WWOX: variants seen among roughly 807,000 people sequenced by gnomAD.
The protein encoded by WWOX is WW domain-containing oxidoreductase.
Under a neutral mutation model 46.2 loss-of-function variants are expected in WWOX, and 69 were observed. The observed-to-expected ratio is 1.49, with a 90% CI of 1.23 to 1.82. The LOEUF (loss-of-function observed/expected upper bound fraction) is 1.82, where lower values mean the gene tolerates loss of function less well. WWOX is among the 40% of genes most tolerant of loss of function. The pLI is 0.00. For missense variants in WWOX, 919 were observed against 542.6 expected, an observed-to-expected ratio of 1.69 and a Z score of -6.89; for synonymous variants, 359 against 202.6, an observed-to-expected ratio of 1.77 and a Z score of -6.56.
intron 8 of WWOX, among the ~76,000 whole-genome samples, chr16:78,454,437 T>C (rs911759072): frequency 6.6e-6 from 1 of 151,230 alleles, no homozygotes; most frequent in African/African-American, 2.5e-5. Context: ...AATGATACTT[T>C]TATCTGAGCA....
intron 8 of WWOX, among the ~76,000 whole-genome samples, chr16:78,783,780 T>A (rs933083362): frequency 6.6e-6 from 1 of 151,568 alleles, no homozygotes; most frequent in East Asian, 1.9e-4. Flanking sequence ...ATGCTGATGG[T>A]GGTGATGGTG....
chr16:78,725,034 A>T (rs555526699), intron 8 of WWOX, among the ~76,000 whole-genome samples: 1 of 152,256 alleles, frequency 6.6e-6, no homozygotes, highest in African/African-American at 2.4e-5. Flanking sequence ...TGTAGCTCCC[A>T]TAATTCCCAT....
intron 8 of WWOX, among the ~76,000 whole-genome samples, chr16:78,810,141 T>C (rs2051148398): frequency 6.6e-6 from 1 of 152,202 alleles, no homozygotes; most frequent in Admixed American, 6.5e-5. Flanking sequence ...TACAGTTCTG[T>C]TAAATGGTCC....
At chr16:78,885,857 G>A (rs1402399517) in intron 8 of WWOX, among the ~76,000 whole-genome samples, 1 of 151,802 alleles carries the variant, frequency 6.6e-6, no homozygotes, top group Non-Finnish European at 1.5e-5. Context: ...TAAATATGCA[G>A]TGTGTAGAAT....
intron 8 of WWOX, among the ~76,000 whole-genome samples, chr16:78,968,524 G>C (rs974703744): frequency 1.3e-5 from 2 of 152,138 alleles, no homozygotes; most frequent in East Asian, 3.9e-4. Context: ...CACAAGCAAC[G>C]GGACATTATG....
intron 8 of WWOX, among the ~76,000 whole-genome samples, chr16:78,854,126 AAC>A (rs1172821994): frequency 6.6e-6 from 1 of 152,224 alleles, no homozygotes; most frequent in Non-Finnish European, 1.5e-5. Flanking sequence ...GACTTTGCCG[AAC>A]AGTTATTTCA....
At chr16:78,839,337 C>G (rs926825578) in intron 8 of WWOX, among the ~76,000 whole-genome samples, 10 of 152,118 alleles carry the variant, frequency 6.6e-5, no homozygotes, top group African/African-American at 2.2e-4. Context: ...TAACTATCCC[C>G]TGGCTTGGTA....
At chr16:79,121,988 C>G (rs953820682) in intron 8 of WWOX, among the ~76,000 whole-genome samples, 1 of 152,124 alleles carries the variant, frequency 6.6e-6, no homozygotes, top group African/African-American at 2.4e-5. Context: ...GCGTCAGGCT[C>G]CTCTAGGTAC....
Position 78,445,301 on chromosome 16 carries a change from G to T in WWOX, c.1056+12549G>T, listed in dbSNP as rs190650266. On this transcript the variant is annotated intron_variant, in intron 8 of 8. Coordinates refer to ENST00000566780, the MANE Select transcript of WWOX (RefSeq NM_016373.4). The stretch of plus-strand genomic sequence containing the variant: ...GGGGAATATGTTCTAGAAGAAGGGC[G>T]CTCACCTCAGTAAATTGATGGGTGG... 3.3e-5 allele frequency among the ~76,000 whole-genome samples: 5 copies of T among 152,224 alleles called. No homozygotes were observed. In the East Asian group the frequency reaches 5.8e-4, roughly 18 times the overall value.
At chr16:78,430,800 G>A (rs1406760759) in intron 7 of WWOX, among the ~76,000 whole-genome samples, 1 of 152,106 alleles carries the variant, frequency 6.6e-6, no homozygotes, top group Non-Finnish European at 1.5e-5. Context: ...CTAGAAATTG[G>A]ATGTCACCGA....
At position 78,634,835 on chromosome 16, in the gene WWOX, AGAGT is replaced by A. The variant is rs1248464002; in HGVS notation, c.1056+202085_1056+202088del. 9.1e-4 allele frequency among the ~76,000 whole-genome samples: 116 copies of A among 127,548 alleles called. 1 individual carries two copies. The highest frequency in any genetic ancestry group is 4.7e-3 in the South Asian group (19 of 4,014). The allele number at this position is 127,548 out of a possible 152,430, so 83.7% of individuals were successfully genotyped here. A position where few individuals can be genotyped will look rare whatever the true frequency, so the allele number is the denominator to read the frequency against. On this transcript the variant is annotated intron_variant, in intron 8 of 8. Transcript: ENST00000566780. ...TGGAGAGAGAGAGAGAGAGAGAGAG[AGAGT>A]GTGTGTGTGTGTGTGTGTGTGTGTG...
rs760680066 is a variant in WWOX, at chr16:78,366,360, G to A, written c.517-20500G>A. Among the ~76,000 whole-genome samples, 5 of 152,142 alleles carry A rather than the reference G, an allele frequency of 3.3e-5. No homozygotes were observed. The East Asian group carries it at 5.8e-4, about 18-fold the overall frequency. ...TATCCACACATCCTTAACTCTTCACGTTGTTTGAGACTGTTAGGCTGTTTT... is the reference window on the plus strand; with the variant it reads ...TATCCACACATCCTTAACTCTTCACATTGTTTGAGACTGTTAGGCTGTTTT... On this transcript the variant is annotated intron_variant, in intron 5 of 8. Transcript: ENST00000566780.
At chr16:78,198,479 A>T (rs977822641) in intron 5 of WWOX, among the ~76,000 whole-genome samples, 2 of 152,152 alleles carry the variant, frequency 1.3e-5, no homozygotes, top group Non-Finnish European at 2.9e-5. Context: ...TGTTCCTTCA[A>T]TAAATACTGA....
chr16:78,299,197 C>T (rs747244442), intron 5 of WWOX, among the ~76,000 whole-genome samples: 2 of 152,142 alleles, frequency 1.3e-5, no homozygotes, highest in Admixed American at 1.3e-4. Flanking sequence ...CGAAAGCTAG[C>T]GTGAAGTGGA....
intron 8 of WWOX, among the ~76,000 whole-genome samples, chr16:78,786,377 T>C (rs1372799212): frequency 1.3e-5 from 2 of 152,208 alleles, no homozygotes; most frequent in Non-Finnish European, 2.9e-5. Context: ...GGGAACACGT[T>C]ATTATATAGT....
chr16:79,211,889 A>C lies in WWOX; in HGVS notation c.*93A>C. 6.4e-7 allele frequency: 1 copy of C among 1,574,642 alleles called. No homozygotes were observed. The highest frequency in any genetic ancestry group is 8.6e-7 in the Non-Finnish European group (1 of 1,163,124). On this transcript the variant is annotated 3_prime_UTR_variant, in exon 9 of 9. Transcript: ENST00000566780. ...TGGGCCCCTTCCAAATGTCCCTCCA[A>C]CACAGATCCGCAAGAGTAAAGGAAA...
At chr16:78,962,250 C>G (rs143274625) in intron 8 of WWOX, among the ~76,000 whole-genome samples, 1 of 146,802 alleles carries the variant, frequency 6.8e-6, no homozygotes, top group African/African-American at 2.5e-5. Flanking sequence ...TTCTCTATCC[C>G]ATTAGCTGAA....
chr16:79,020,175 AG>A (rs2047502659), intron 8 of WWOX, among the ~76,000 whole-genome samples: 1 of 152,218 alleles, frequency 6.6e-6, no homozygotes. Flanking sequence ...GGAGGAAGGA[AG>A]AAAAGAGAGG....
chr16:79,169,076 G>A (rs1413688818), intron 8 of WWOX, among the ~76,000 whole-genome samples: 1 of 152,172 alleles, frequency 6.6e-6, no homozygotes, highest in Non-Finnish European at 1.5e-5. Flanking sequence ...TGTGCTAGCT[G>A]TTTTATAAAC....
Sources: gnomAD v4.1 joint callset for allele counts (sites outside exome capture counted in the v4.1 genomes callset) on GRCh38, gnomAD v4.1.1 for gene constraint, MANE v1.5 for transcripts, NCBI Gene and HGNC (gene_info 2026-07-23, HGNC 2026-07-21) for gene names.